The following DOC2A variants were observed in gnomAD, a reference collection of about 807,000 sequenced individuals.
The protein encoded by DOC2A is double C2-like domain-containing protein alpha.
DOC2A carries 28 observed loss-of-function variants against 40.6 expected under a neutral mutation model. That is an observed-to-expected ratio of 0.69 (90% CI 0.51 to 0.95). The LOEUF (loss-of-function observed/expected upper bound fraction) is 0.95, where lower values mean the gene tolerates loss of function less well. Ranked by LOEUF, DOC2A falls within the 40% of genes least tolerant of loss-of-function variation. The pLI is 0.00. For missense variants in DOC2A, 474 were observed against 552.5 expected (o/e 0.86, Z 1.42); for synonymous variants, 241 against 236.9 (o/e 1.02, Z -0.16).
Position 30,007,086 on chromosome 16 carries a change from G to T in DOC2A, c.659C>A (p.Ala220Glu), listed in dbSNP as rs1390800519. Residue 220 changes from alanine (A) to glutamate (E), a missense_variant, in exon 7 of 11, where the codon GCG becomes GAG. Transcript: ENST00000350119. ...NICLERQVPLASPSSMSAALR... is the reference protein window; with the variant it reads ...NICLERQVPLESPSSMSAALR... ...CGCCGCTGACATGGAAGAGGGGGAC[G>T]CCAGCTGAGGGGGCAAAGAGAAGGT... 6.2e-7 allele frequency: 1 copy of T among 1,613,906 alleles called. No homozygotes were observed. Among genetic ancestry groups the T allele is most frequent in the Non-Finnish European group, 8.5e-7 (1 of 1,179,954 alleles).
upstream of DOC2A, among the ~76,000 whole-genome samples, chr16:30,015,662 CCTTCCTTCCTTT>C (rs892611484): frequency 5.3e-5 from 8 of 150,272 alleles, no homozygotes; most frequent in African/African-American, 1.7e-4. Context: ...TTCCTTCCTT[CCTTCCTTCCTTT>C]CTTCCTTCCT....
In DOC2A at chr16:30,018,411, C is replaced by T. The variant is rs1029396265; in HGVS notation, c.-376+2772G>A. On this transcript the variant is annotated intron_variant, in intron 1 of 5. Transcript: ENST00000574405. ...TCATGGCTCACTTCAACCTTGAACT[C>T]CTGGCCTCCAGTGATCCTCCCACCT... Among the ~76,000 whole-genome samples, 8 of 152,128 alleles carry T rather than the reference C, an allele frequency of 5.3e-5. 1 individual carries two copies. The highest frequency in any genetic ancestry group is 8.8e-5 in the Non-Finnish European group (6 of 68,026).
chr16:30,010,119 TAGTC>T lies in DOC2A; in HGVS notation c.100_103del (p.Asp34ThrfsTer56). On this transcript the variant is annotated frameshift_variant, in exon 2 of 11. Coordinates refer to ENST00000350119, the MANE Select transcript of DOC2A (RefSeq NM_003586.3). LOFTEE classifies it high-confidence loss of function. The surrounding 1 kb of genome is among the most constrained non-coding windows in gnomAD (Gnocchi z 4.2). ...TTCAGGTCCTGGTCCCCGGGGGAAG[TAGTC>T]AGAGATCTGGCGGATGGGCCGGATG... 2 of 1,613,524 alleles carry T rather than the reference TAGTC, an allele frequency of 1.2e-6. No individual in the cohort carries two copies. Among genetic ancestry groups the T allele is most frequent in the East Asian group, 4.5e-5 (2 of 44,870 alleles).
chr16:30,016,823 A>G (rs1276791426), upstream of DOC2A, among the ~76,000 whole-genome samples: 1 of 152,184 alleles, frequency 6.6e-6, no homozygotes, highest in Non-Finnish European at 1.5e-5. Context: ...GAAGACAGAC[A>G]AATACACAGA....
chr16:30,008,717 G>A (rs193052781), intron 5 of DOC2A: 2 of 393,898 alleles, frequency 5.1e-6, no homozygotes, highest in African/African-American at 2.1e-5. Flanking sequence ...AGTTGGCCAG[G>A]CTGGTCTTGA....
chr16:30,015,957 C>T (rs1445340421), upstream of DOC2A, among the ~76,000 whole-genome samples: 2 of 143,618 alleles, frequency 1.4e-5, no homozygotes, highest in Non-Finnish European at 3.0e-5. Context: ...AGCCATCCTC[C>T]TACCTTGGCC....
intron 1 of DOC2A, among the ~76,000 whole-genome samples, chr16:30,019,163 A>T (rs751001233): frequency 1.2e-4 from 19 of 152,058 alleles, no homozygotes; most frequent in Non-Finnish European, 2.2e-4. Flanking sequence ...ACTAAAAATT[A>T]AAAAATTAGC....
At chr16:30,013,760 G>C (rs1292701038), upstream of DOC2A, among the ~76,000 whole-genome samples, 1 of 150,916 alleles carries the variant, frequency 6.6e-6, no homozygotes. Context: ...TGTTGCCCAG[G>C]CTGGAGTGCA....
At chr16:30,015,700 T>G (rs2070847334), upstream of DOC2A, among the ~76,000 whole-genome samples, 3 of 130,612 alleles carry the variant, frequency 2.3e-5, no homozygotes, top group Admixed American at 2.5e-4. Flanking sequence ...CCTTCCTTTT[T>G]CTTTTTTTTT....
chr16:30,016,055 A>ATATATTTTTT (rs1163519904), upstream of DOC2A, among the ~76,000 whole-genome samples: 6 of 16,898 alleles, frequency 3.6e-4, no homozygotes, highest in African/African-American at 1.6e-3. Flanking sequence ...ATATATATAT[A>ATATATTTTTT]TTTTTTTTTT....
chr16:30,018,086 T>C lies in DOC2A; in HGVS notation c.-376+3097A>G, dbSNP rs535639457. On this transcript the variant is annotated intron_variant, in intron 1 of 5. Transcript: ENST00000574405. Reference sequence around the variant, plus strand: ...TTCAAGACCAGCCTGGGCAACATAGTGAAATCCTATTTCTACCAAAAAAAA... The same window carrying C: ...TTCAAGACCAGCCTGGGCAACATAGCGAAATCCTATTTCTACCAAAAAAAA... Among the ~76,000 whole-genome samples, 107 of 123,294 alleles carry C rather than the reference T, an allele frequency of 8.7e-4. 5 individuals are homozygous for C. In the South Asian group the frequency reaches 0.026, roughly 30 times the overall value. The allele number at this position is 123,294 out of a possible 152,430, so 80.9% of individuals were successfully genotyped here. A position where few individuals can be genotyped will look rare whatever the true frequency, so the allele number is the denominator to read the frequency against.
At chr16:30,021,142 C>T (rs1356279831) in intron 1 of DOC2A, 1 of 150,516 alleles carries the variant, frequency 6.6e-6, no homozygotes, top group Non-Finnish European at 1.5e-5. Flanking sequence ...TGTTTAGGAA[C>T]TCGAAGCGGT....
chr16:30,017,667 CTA>C (rs2070867483), intron 1 of DOC2A, among the ~76,000 whole-genome samples: 1 of 152,024 alleles, frequency 6.6e-6, no homozygotes, highest in Non-Finnish European at 1.5e-5. Context: ...AGTCGAAAAA[CTA>C]CCTATTGCCG....
chr16:30,007,763 G>A (rs2070665057), intron 5 of DOC2A: 1 of 260,732 alleles, frequency 3.8e-6, no homozygotes, highest in African/African-American at 2.2e-5. Flanking sequence ...CCAGCCACCT[G>A]TCCTCCTGCA....
Position 30,010,255 on chromosome 16 carries a change from C to T in DOC2A, c.-13-20G>A. The T allele has an allele frequency of 6.2e-7, 1 of 1,611,382 alleles. No individual in the cohort carries two copies. On this transcript the variant is annotated intron_variant, in intron 1 of 10. Coordinates refer to ENST00000350119, the MANE Select transcript of DOC2A (RefSeq NM_003586.3). This position sits in a 1 kb window ranked among gnomAD's most constrained non-coding sequence, Gnocchi z 4.2. ...CCCTGGCTAGGAGAGGGCGTGTGAG[C>T]CAGTGAGCCCATCATACCTAGCCAT... is the stretch of plus-strand genomic sequence containing the variant.
rs775140393 is a variant in DOC2A at position 30,009,138 on chromosome 16, T to C, written c.418-33A>G. On this transcript the variant is annotated intron_variant, in intron 4 of 10. Transcript: ENST00000350119. The surrounding 1 kb of genome is among the most constrained non-coding windows in gnomAD (Gnocchi z 4.1). ...GTGGGGATGAAAGGTTCTCAATACC[T>C]GTCCTCCAGCCCCACAGGCTGGAGT... is the stretch of plus-strand genomic sequence containing the variant. 4.4e-6 allele frequency: 7 copies of C among 1,604,532 alleles called. No homozygotes were observed. Among genetic ancestry groups the C allele is most frequent in the Admixed American group, 3.3e-5 (2 of 59,936 alleles).
chr16:30,010,946 G>T lies in DOC2A; in HGVS notation c.-57C>A, dbSNP rs757819626. 1.7e-4 allele frequency: 168 copies of T among 1,011,348 alleles called. No homozygotes were observed. Among genetic ancestry groups the T allele is most frequent in the Non-Finnish European group, 1.9e-4 (162 of 845,404 alleles). 62.6% of individuals were successfully genotyped at this position (1,011,348 alleles called of 1,614,324 possible). ...CCCAGGCACTGGGGGGACGGCGGGC[G>T]CAGGCTGGGCGGCGGCGGCCGGCGA... is the stretch of plus-strand genomic sequence containing the variant. On this transcript the variant is annotated 5_prime_UTR_variant, in exon 1 of 11. Transcript: ENST00000350119. The surrounding 1 kb of genome is among the most constrained non-coding windows in gnomAD (Gnocchi z 4.2).
At chr16:30,023,198 C>A, upstream of DOC2A, 1 of 671,558 alleles carries the variant, frequency 1.5e-6, no homozygotes. Flanking sequence ...TGGTCCCAAC[C>A]TCTCTTCTCC....
rs576322517 is a variant in DOC2A, at chr16:30,005,641, C to T, written c.*545G>A. 6.2e-5 allele frequency: 37 copies of T among 598,816 alleles called. No homozygotes were observed. The African/African-American group carries it at 6.5e-4, about 11-fold the overall frequency. The allele number at this position is 598,816 out of a possible 1,614,324, so 37.1% of individuals were successfully genotyped here. A position where few individuals can be genotyped will look rare whatever the true frequency, so the allele number is the denominator to read the frequency against. On this transcript the variant is annotated 3_prime_UTR_variant, in exon 11 of 11. Coordinates refer to ENST00000350119, the MANE Select transcript of DOC2A (RefSeq NM_003586.3). Reference sequence around the variant, plus strand: ...GGCCCTGCCTTCAAACCCCGGCCCCCTCCAGGGGACAGTTATTTAAACGAG... The same window carrying T: ...GGCCCTGCCTTCAAACCCCGGCCCCTTCCAGGGGACAGTTATTTAAACGAG...
Sources: gnomAD v4.1 joint callset for allele counts (sites outside exome capture counted in the v4.1 genomes callset) on GRCh38, gnomAD v4.1.1 for gene constraint, Gnocchi (gnomAD v3.1) non-coding constraint, MANE v1.5 for transcripts, NCBI Gene and HGNC (gene_info 2026-07-23, HGNC 2026-07-21) for gene names.